The following SGF29 variants were observed in gnomAD, a reference collection of about 807,000 sequenced individuals.
The protein encoded by SGF29 is SAGA-associated factor 29.
SGF29 carries 15 observed loss-of-function variants against 38.1 expected under a neutral mutation model. The observed-to-expected ratio is 0.39, with a 90% CI of 0.26 to 0.61. SGF29 has a LOEUF of 0.61. Ranked by LOEUF, SGF29 falls within the 20% of genes least tolerant of loss-of-function variation. The pLI is 0.49. For synonymous variants in SGF29, 151 were observed against 160.8 expected (o/e 0.94, Z 0.46); for missense variants, 184 against 394.6 (o/e 0.47, Z 4.52).
intron 2 of SGF29, among the ~76,000 whole-genome samples, chr16:28,581,696 C>T (rs1240479441): frequency 6.6e-6 from 1 of 152,054 alleles, no homozygotes; most frequent in Non-Finnish European, 1.5e-5. Context: ...CCACCATGTC[C>T]GGCTAATTGT....
intron 1 of SGF29, among the ~76,000 whole-genome samples, chr16:28,576,024 G>T (rs1483244561): frequency 6.6e-6 from 1 of 152,144 alleles, no homozygotes; most frequent in African/African-American, 2.4e-5. Context: ...ATGTGTTGGC[G>T]CAAATGCAGA....
chr16:28,591,086 C>T, intron 9 of SGF29, 151 bp downstream of exon 9: 2 of 1,058,642 alleles, frequency 1.9e-6, no homozygotes, highest in Non-Finnish European at 1.3e-6. Flanking sequence ...TCTTCCACTC[C>T]AGCCCCAAAG....
intron 1 of SGF29, among the ~76,000 whole-genome samples, chr16:28,571,391 C>T (rs542298307): frequency 1.3e-5 from 2 of 151,966 alleles, no homozygotes; most frequent in South Asian, 2.1e-4. Context: ...GTCAGGAGTT[C>T]GAGACCAGCC....
chr16:28,555,156 A>G lies in SGF29; in HGVS notation c.-16+1059A>G, dbSNP rs561660909. On this transcript the variant is annotated intron_variant, in intron 1 of 9. Coordinates refer to ENST00000317058, the MANE Select transcript of SGF29 (RefSeq NM_138414.3). Reference sequence around the variant, plus strand: ...TACAGGCATGAGCCACCGCAATCCCAGTTTCACATTTTAAATGTAAATACT... The same window carrying G: ...TACAGGCATGAGCCACCGCAATCCCGGTTTCACATTTTAAATGTAAATACT... 9.2e-5 allele frequency among the ~76,000 whole-genome samples: 14 copies of G among 152,316 alleles called. No homozygotes were observed. In the South Asian group the frequency reaches 2.9e-3, roughly 32 times the overall value.
chr16:28,591,381 C>G (rs2046989605), intron 9 of SGF29, among the ~76,000 whole-genome samples: 1 of 152,206 alleles, frequency 6.6e-6, no homozygotes, highest in South Asian at 2.1e-4. Flanking sequence ...TCCTCCCTGC[C>G]TATTCCCTGC....
intron 1 of SGF29, among the ~76,000 whole-genome samples, chr16:28,572,026 C>G (rs1168546158): frequency 6.6e-6 from 1 of 152,214 alleles, no homozygotes; most frequent in East Asian, 1.9e-4. Flanking sequence ...GTTGCCCGGA[C>G]TGGAGTGCAG....
intron 4 of SGF29, 118 bp downstream of exon 4, chr16:28,585,838 C>G (rs1480276043): frequency 1.1e-6 from 1 of 931,396 alleles, no homozygotes; most frequent in Non-Finnish European, 1.7e-6. Flanking sequence ...GATTGCTACT[C>G]CCAGCCTCTC....
intron 1 of SGF29, among the ~76,000 whole-genome samples, chr16:28,568,534 G>A (rs977041401): frequency 1.3e-5 from 2 of 151,724 alleles, no homozygotes; most frequent in African/African-American, 2.4e-5. Flanking sequence ...CTTAAGTGTG[G>A]AGTGAGACAT....
chr16:28,585,285 G>A (rs2046950204), intron 3 of SGF29: 6 of 505,736 alleles, frequency 1.2e-5, no homozygotes, highest in East Asian at 6.5e-5. Context: ...CTTCCCAGGC[G>A]GCCCCTGCAT....
At chr16:28,557,965 G>GTTTTTT (rs753237384) in intron 1 of SGF29, among the ~76,000 whole-genome samples, 1 of 65,618 alleles carries the variant, frequency 1.5e-5, no homozygotes, top group African/African-American at 6.9e-5. Context: ...TTCTTTCTCT[G>GTTTTTT]TTTTTTTTTT....
At chr16:28,584,887 A>G in intron 2 of SGF29, 26 bp from the exon 3 acceptor site, 4 of 1,598,790 alleles carry the variant, frequency 2.5e-6, no homozygotes, top group Non-Finnish European at 3.4e-6. Flanking sequence ...GGCCACCGTC[A>G]TGTCCTGCTG....
At chr16:28,574,351 G>A (rs1258018104) in intron 1 of SGF29, among the ~76,000 whole-genome samples, 2 of 152,178 alleles carry the variant, frequency 1.3e-5, no homozygotes, top group Non-Finnish European at 2.9e-5. Context: ...TGGGAGGTGG[G>A]CACATACACA....
At chr16:28,562,143 C>T (rs1446601740) in intron 1 of SGF29, among the ~76,000 whole-genome samples, 1 of 152,162 alleles carries the variant, frequency 6.6e-6, no homozygotes, top group Non-Finnish European at 1.5e-5. Flanking sequence ...ATTTCTTTTG[C>T]TTGTGCGATT....
chr16:28,571,971 C>CT (rs1235960950), intron 1 of SGF29, among the ~76,000 whole-genome samples: 3 of 152,154 alleles, frequency 2.0e-5, no homozygotes, highest in Non-Finnish European at 2.9e-5. Context: ...CCAGTTTCTT[C>CT]TTTTTTTATT....
At chr16:28,564,737 GTATATATGTATATA>G (rs2046823190) in intron 1 of SGF29, among the ~76,000 whole-genome samples, 3 of 11,340 alleles carry the variant, frequency 2.6e-4, no homozygotes, top group Admixed American at 2.5e-3. Flanking sequence ...ACATATATAT[GTATATATGTATATA>G]TATGTATATA....
chr16:28,564,729 ATATATATGTATATATG>A (rs1305059834), intron 1 of SGF29, among the ~76,000 whole-genome samples: 6 of 5,210 alleles, frequency 1.2e-3, no homozygotes, highest in African/African-American at 2.6e-3. Flanking sequence ...ATATATATAC[ATATATATGTATATATG>A]TATATATATG....
intron 1 of SGF29, among the ~76,000 whole-genome samples, chr16:28,578,897 G>A (rs1007921072): frequency 6.6e-6 from 1 of 151,978 alleles, no homozygotes; most frequent in Admixed American, 6.6e-5. Flanking sequence ...AGCAGAGATC[G>A]CACCGCTGCA....
intron 4 of SGF29, among the ~76,000 whole-genome samples, chr16:28,588,450 T>G (rs2046967623): frequency 6.6e-6 from 1 of 152,230 alleles, no homozygotes; most frequent in Non-Finnish European, 1.5e-5. Context: ...GAAGGCAGTT[T>G]GCCTGTGTCC....
chr16:28,590,950 A>G lies in SGF29; in HGVS notation c.765+15A>G, dbSNP rs1360937654. 3.1e-6 allele frequency: 5 copies of G among 1,597,622 alleles called. No individual in the cohort carries two copies. In the African/African-American group the frequency reaches 5.4e-5, roughly 17 times the overall value. ...CCCCACAGCGGGTAAAGCAGCCTCC[A>G]GGGGAGAGGCCATGGGTGATGTCAG... On this transcript the variant is annotated intron_variant, in intron 9 of 9. Coordinates refer to ENST00000317058, the MANE Select transcript of SGF29 (RefSeq NM_138414.3). This position sits in a 1 kb window ranked among gnomAD's most constrained non-coding sequence, Gnocchi z 8.2.
Sources: gnomAD v4.1 joint callset for allele counts (sites outside exome capture counted in the v4.1 genomes callset) on GRCh38, gnomAD v4.1.1 for gene constraint, Gnocchi (gnomAD v3.1) non-coding constraint, MANE v1.5 for transcripts, NCBI Gene and HGNC (gene_info 2026-07-23, HGNC 2026-07-21) for gene names.